Variants in TTC29 observed in about 807,000 individuals in gnomAD.
The protein encoded by TTC29 is tetratricopeptide repeat protein 29.
TTC29 carries 49 observed loss-of-function variants against 58.1 expected under a neutral mutation model. The ratio of observed to expected loss-of-function variants is 0.84; its 90% confidence interval spans 0.67 to 1.07. The LOEUF is 1.07. Ranked by LOEUF, TTC29 falls within the 50% of genes least tolerant of loss-of-function variation. The probability of loss-of-function intolerance (pLI) is 0.00; values close to 1 mark genes in which losing one functional copy is unlikely to be tolerated. For synonymous variants in TTC29, 209 were observed against 196.8 expected, an observed-to-expected ratio of 1.06 and a Z score of -0.52; for missense variants, 582 against 555.6, an observed-to-expected ratio of 1.05 and a Z score of -0.48.
intron 4 of TTC29, 24 bp from the exon 5 acceptor site, chr4:146,909,273 C>G (rs892026863): frequency 6.5e-7 from 1 of 1,543,278 alleles, no homozygotes; most frequent in Middle Eastern, 1.7e-4. Flanking sequence ...TCAGAACACT[C>G]TCAGGTTTAT....
intron 11 of TTC29, among the ~76,000 whole-genome samples, chr4:146,764,760 C>A (rs1747163662): frequency 6.6e-6 from 1 of 152,036 alleles, no homozygotes; most frequent in African/African-American, 2.4e-5. Flanking sequence ...TTGAGTAAAG[C>A]AATGCTTGGA....
At chr4:146,883,871 A>C (rs1731801624) in intron 6 of TTC29, among the ~76,000 whole-genome samples, 1 of 152,066 alleles carries the variant, frequency 6.6e-6, no homozygotes, top group African/African-American at 2.4e-5. Context: ...GGGGAAGAAA[A>C]TGAATTGAAA....
chr4:146,740,681 T>C (rs889610862), intron 11 of TTC29, among the ~76,000 whole-genome samples: 1 of 152,042 alleles, frequency 6.6e-6, no homozygotes, highest in South Asian at 2.1e-4. Flanking sequence ...AAATCTAAAT[T>C]AGATATAAAA....
intron 11 of TTC29, among the ~76,000 whole-genome samples, chr4:146,759,422 C>A (rs1746705201): frequency 6.6e-6 from 1 of 152,070 alleles, no homozygotes; most frequent in Admixed American, 6.6e-5. Context: ...GGAACCCTCC[C>A]TAATTCATTC....
chr4:146,729,565 G>A (rs527406138), intron 11 of TTC29, among the ~76,000 whole-genome samples: 2 of 152,168 alleles, frequency 1.3e-5, no homozygotes, highest in African/African-American at 2.4e-5. Flanking sequence ...TGTCTAATGG[G>A]TTCAAAAAGG....
rs139136488 is a variant in TTC29 at position 146,883,369 on chromosome 4, T to C, written c.587-8441A>G. Among the ~76,000 whole-genome samples the C allele has an allele frequency of 9.0e-4, 136 of 151,490 alleles. 3 individuals carry two copies. Among genetic ancestry groups the C allele is most frequent in the African/African-American group, 2.7e-3 (111 of 41,440 alleles). ...GGTGCCTCACAGACATCCAATAACT[T>C]TTCACGTGGAGTTATATAGTTTCTT... is the stretch of plus-strand genomic sequence containing the variant. On this transcript the variant is annotated intron_variant, in intron 6 of 12. Transcript: ENST00000325106.
At chr4:146,728,800 T>C (rs904943234) in intron 11 of TTC29, among the ~76,000 whole-genome samples, 1 of 130,958 alleles carries the variant, frequency 7.6e-6, no homozygotes, top group African/African-American at 2.8e-5. Flanking sequence ...TATACGTATA[T>C]ATACACATAT....
intron 8 of TTC29, among the ~76,000 whole-genome samples, chr4:146,854,961 T>A (rs763769592): frequency 3.5e-4 from 54 of 152,298 alleles, no homozygotes; most frequent in Non-Finnish European, 6.3e-4. Flanking sequence ...ATCTTCTTTC[T>A]CTTTTTCTAT....
intron 8 of TTC29, among the ~76,000 whole-genome samples, chr4:146,848,389 G>T (rs1258297993): frequency 2.0e-5 from 3 of 152,154 alleles, no homozygotes; most frequent in Admixed American, 1.3e-4. Context: ...AAGAATGGTA[G>T]GATAAAATGG....
At chr4:146,762,064 A>C (rs1261441404) in intron 11 of TTC29, among the ~76,000 whole-genome samples, 1 of 151,796 alleles carries the variant, frequency 6.6e-6, no homozygotes, top group Non-Finnish European at 1.5e-5. Flanking sequence ...TTGTTATTCA[A>C]TTTTATCTCT....
chr4:146,856,522 C>T (rs1467982007), intron 8 of TTC29, among the ~76,000 whole-genome samples: 1 of 151,658 alleles, frequency 6.6e-6, no homozygotes, highest in Non-Finnish European at 1.5e-5. Flanking sequence ...TATTACCAAA[C>T]AGATTTGTTT....
In TTC29 at chr4:146,817,412, A is replaced by T. The variant is rs559308722; in HGVS notation, c.1101+2713T>A. On this transcript the variant is annotated intron_variant, in intron 10 of 12. Transcript: ENST00000325106. ...ACCTCTTCAAGGAGAATTACAAACC[A>T]CTGCTCAATGAAATAAAAGAGGATA... 3.3e-5 allele frequency among the ~76,000 whole-genome samples: 5 copies of T among 152,340 alleles called. No individual in the cohort carries two copies. The South Asian group carries it at 1.0e-3, about 32-fold the overall frequency.
At chr4:146,855,931 T>C (rs958346773) in intron 8 of TTC29, among the ~76,000 whole-genome samples, 6 of 152,236 alleles carry the variant, frequency 3.9e-5, no homozygotes, top group African/African-American at 1.4e-4. Context: ...ATGCCTCTTC[T>C]TCTTTCGCAG....
chr4:146,714,607 A>G (rs1262780819), intron 11 of TTC29, among the ~76,000 whole-genome samples: 1 of 151,992 alleles, frequency 6.6e-6, no homozygotes, highest in Non-Finnish European at 1.5e-5. Flanking sequence ...AAAAGAAAAA[A>G]AAAAACCTAT....
chr4:146,927,058 G>A (rs1734983400), intron 4 of TTC29, among the ~76,000 whole-genome samples: 1 of 130,868 alleles, frequency 7.6e-6, no homozygotes, highest in South Asian at 2.5e-4. Context: ...TCCAGCCTGG[G>A]CAACAGAGCA....
chr4:146,750,170 G>C (rs540075514), intron 11 of TTC29, among the ~76,000 whole-genome samples: 52 of 152,164 alleles, frequency 3.4e-4, no homozygotes, highest in African/African-American at 1.2e-3. Flanking sequence ...ACCAGGCTTG[G>C]CTAATTTTTT....
chr4:146,903,739 G>A lies in TTC29; in HGVS notation c.401-10C>T. On this transcript the variant is annotated splice_polypyrimidine_tract_variant and intron_variant, in intron 5 of 12. Transcript: ENST00000325106. ...ACATCTTCGAAGGATTCTTCAAAGA[G>A]AGAAAAGCACCATGAATGGCATTAG... The A allele has an allele frequency of 6.5e-7, 1 of 1,548,310 alleles. No homozygotes were observed. The highest frequency in any genetic ancestry group is 8.7e-7 in the Non-Finnish European group (1 of 1,146,142).
chr4:146,763,103 T>C (rs1284508234), intron 11 of TTC29, among the ~76,000 whole-genome samples: 1 of 152,110 alleles, frequency 6.6e-6, no homozygotes, highest in Non-Finnish European at 1.5e-5. Flanking sequence ...TTTATTTTAA[T>C]TGTGCAGCTT....
intron 11 of TTC29, among the ~76,000 whole-genome samples, chr4:146,773,972 G>C (rs566245989): frequency 6.6e-6 from 1 of 152,092 alleles, no homozygotes; most frequent in East Asian, 1.9e-4. Flanking sequence ...TCAATATTGG[G>C]AAGCTGTATG....
Sources: allele counts gnomAD v4.1 joint callset (sites outside exome capture counted in the v4.1 genomes callset), GRCh38; gene constraint gnomAD v4.1.1; transcripts MANE v1.5; gene names NCBI Gene and HGNC (gene_info 2026-07-23, HGNC 2026-07-21).